PDE4D: variants seen among roughly 807,000 people sequenced by gnomAD.
The protein encoded by PDE4D is phosphodiesterase 4D.
PDE4D carries 24 observed loss-of-function variants against 87.4 expected under a neutral mutation model. The ratio of observed to expected loss-of-function variants is 0.27; its 90% confidence interval spans 0.20 to 0.39. The LOEUF (loss-of-function observed/expected upper bound fraction) is 0.39, where lower values mean the gene tolerates loss of function less well. PDE4D is among the 10% of genes least tolerant of loss of function. The pLI is 1.00. For synonymous variants in PDE4D, 384 were observed against 383.2 expected (o/e 1.00, Z -0.02); for missense variants, 714 against 1,041.0 (o/e 0.69, Z 4.32).
chr5:60,248,820 C>G (rs1471741994), intron 1 of PDE4D, among the ~76,000 whole-genome samples: 1 of 152,014 alleles, frequency 6.6e-6, no homozygotes, highest in South Asian at 2.1e-4. Flanking sequence ...TCTTTACATT[C>G]AGTGCTCCAA....
chr5:59,720,533 G>A (rs550095481), intron 1 of PDE4D, among the ~76,000 whole-genome samples: 1 of 152,134 alleles, frequency 6.6e-6, no homozygotes. Context: ...TCAGGTAAGG[G>A]TAAGATTTCT....
chr5:59,736,777 A>G (rs779401285), intron 1 of PDE4D, among the ~76,000 whole-genome samples: 2 of 152,214 alleles, frequency 1.3e-5, no homozygotes, highest in African/African-American at 4.8e-5. Context: ...GGTATGTGCA[A>G]TAAAGATGTT....
intron 1 of PDE4D, among the ~76,000 whole-genome samples, chr5:59,375,204 T>C (rs963829865): frequency 3.9e-5 from 6 of 152,068 alleles, no homozygotes; most frequent in African/African-American, 1.4e-4. Flanking sequence ...CTGAAGAATA[T>C]TGAGACACAG....
intron 1 of PDE4D, among the ~76,000 whole-genome samples, chr5:60,317,417 G>T (rs551395669): frequency 1.3e-5 from 2 of 152,076 alleles, no homozygotes; most frequent in East Asian, 3.9e-4. Flanking sequence ...TATCAATTTT[G>T]TTGATCTTTT....
At chr5:60,205,419 G>A (rs1202569304) in intron 1 of PDE4D, among the ~76,000 whole-genome samples, 3 of 152,122 alleles carry the variant, frequency 2.0e-5, no homozygotes, top group East Asian at 1.9e-4. Flanking sequence ...TACCCTTGGA[G>A]CAGATCTTGT....
At chr5:59,146,117 A>T (rs1778620506) in intron 5 of PDE4D, among the ~76,000 whole-genome samples, 1 of 152,186 alleles carries the variant, frequency 6.6e-6, no homozygotes, top group African/African-American at 2.4e-5. Context: ...ACAGAGCAAG[A>T]TTCCGTCTCC....
intron 1 of PDE4D, among the ~76,000 whole-genome samples, chr5:59,696,215 A>G (rs144639262): frequency 7.2e-5 from 11 of 152,300 alleles, no homozygotes; most frequent in African/African-American, 2.6e-4. Flanking sequence ...AAATAATATG[A>G]GATTATATAG....
chr5:59,758,319 G>A (rs13177163), intron 1 of PDE4D, among the ~76,000 whole-genome samples: 25,578 of 152,132 alleles, frequency 0.17, 2,543 homozygotes, highest in Middle Eastern at 0.32. Context: ...CACATGGCAG[G>A]AGCTAAATCA....
At chr5:59,141,895 C>A (rs371864594) in intron 5 of PDE4D, among the ~76,000 whole-genome samples, 1 of 152,136 alleles carries the variant, frequency 6.6e-6, no homozygotes, top group Admixed American at 6.5e-5. Context: ...TGATCTTGCA[C>A]AGTTTTCTAA....
intron 1 of PDE4D, among the ~76,000 whole-genome samples, chr5:59,390,298 G>C (rs991769341): frequency 5.3e-5 from 8 of 152,054 alleles, no homozygotes; most frequent in South Asian, 2.1e-4. Flanking sequence ...AATTTCTCAA[G>C]AAGTTATTTC....
chr5:60,442,836 G>A (rs1443098497), intron 1 of PDE4D, among the ~76,000 whole-genome samples: 1 of 152,070 alleles, frequency 6.6e-6, no homozygotes, highest in Non-Finnish European at 1.5e-5. Context: ...GAAAATATAG[G>A]TGGAATTTTG....
chr5:59,798,337 T>C (rs1766738781), intron 1 of PDE4D, among the ~76,000 whole-genome samples: 2 of 151,560 alleles, frequency 1.3e-5, no homozygotes, highest in Admixed American at 1.3e-4. Flanking sequence ...AATTTAGTCA[T>C]CGTACCCACA....
At chr5:59,159,385 A>G (rs1561592494) in intron 5 of PDE4D, among the ~76,000 whole-genome samples, 1 of 151,994 alleles carries the variant, frequency 6.6e-6, no homozygotes, top group Non-Finnish European at 1.5e-5. Flanking sequence ...CTCCTGCCTC[A>G]GCCTCCCAAA....
rs1554125404 is a variant in PDE4D at position 59,971,363 on chromosome 5, A to AAAAATAAATAAAT, written c.272+17124_272+17125insATTTATTTATTTT. Reference sequence around the variant, plus strand: ...CCTAAAACTTAAAGTATAATAATAAAAAATAAATAAATAAATAAAAAAGAG... The same window carrying AAAAATAAATAAAT: ...CCTAAAACTTAAAGTATAATAATAAAAAAATAAATAAATAAATAAATAAATAAATAAAAAAGAG... On this transcript the variant is annotated intron_variant, in intron 3 of 16. Transcript: ENST00000502484. Among the ~76,000 whole-genome samples the AAAAATAAATAAAT allele has an allele frequency of 2.1e-5, 3 of 145,978 alleles. No homozygotes were observed. In the East Asian group the frequency reaches 6.1e-4, roughly 30 times the overall value.
At chr5:59,486,003 C>A (rs761139718) in intron 1 of PDE4D, among the ~76,000 whole-genome samples, 46 of 152,058 alleles carry the variant, frequency 3.0e-4, no homozygotes, top group Admixed American at 5.9e-4. Context: ...TGCTTTTCAC[C>A]TCCCTCCTCA....
intron 1 of PDE4D, among the ~76,000 whole-genome samples, chr5:59,407,326 G>A (rs760042435): frequency 6.6e-6 from 1 of 152,138 alleles, no homozygotes; most frequent in African/African-American, 2.4e-5. Context: ...CTCTCCAGAA[G>A]CTTAGCAAAT....
intron 2 of PDE4D, among the ~76,000 whole-genome samples, chr5:60,114,941 CATGGATGGATGGATGGATGG>C (rs72415755): frequency 1.1e-5 from 1 of 89,128 alleles, no homozygotes; most frequent in Admixed American, 1.3e-4. Context: ...TAGATAGATA[CATGGATGGATGGATGGATGG>C]ATGGATGGAT....
intron 1 of PDE4D, among the ~76,000 whole-genome samples, chr5:59,620,299 G>C (rs1830195323): frequency 6.6e-6 from 1 of 152,178 alleles, no homozygotes; most frequent in South Asian, 2.1e-4. Context: ...GTTAAAAATG[G>C]GGAGATCACA....
intron 1 of PDE4D, among the ~76,000 whole-genome samples, chr5:59,658,448 G>C (rs1744727580): frequency 6.6e-6 from 1 of 151,790 alleles, no homozygotes; most frequent in Non-Finnish European, 1.5e-5. Context: ...GTGGCACGAT[G>C]TCGGCTCACT....
Sources: gnomAD v4.1 joint callset for allele counts (sites outside exome capture counted in the v4.1 genomes callset) on GRCh38, gnomAD v4.1.1 for gene constraint, MANE v1.5 for transcripts, NCBI Gene and HGNC (gene_info 2026-07-23, HGNC 2026-07-21) for gene names.